The following MYLK4 variants were observed in gnomAD, a reference collection of about 807,000 sequenced individuals.
The protein encoded by MYLK4 is caMLCK like.
In MYLK4, 46 loss-of-function variants were observed where a neutral mutation model predicts 48.1. The observed-to-expected ratio is 0.96, with a 90% CI of 0.75 to 1.22. The LOEUF (loss-of-function observed/expected upper bound fraction) is 1.22. Among genes scored for constraint, MYLK4 ranks in the 50% most tolerant of loss-of-function variants. The pLI, the probability that MYLK4 is intolerant of heterozygous loss-of-function variation, is 0.00. For synonymous variants in MYLK4, 170 were observed against 180.8 expected, an observed-to-expected ratio of 0.94 and a Z score of 0.48; for missense variants, 451 against 486.1, an observed-to-expected ratio of 0.93 and a Z score of 0.68.
At position 2,683,020 on chromosome 6, in the gene MYLK4, C is replaced by G; in HGVS notation, c.687+1G>C. 1 of 1,614,186 alleles carries G rather than the reference C, an allele frequency of 6.2e-7. No individual in the cohort carries two copies. Among genetic ancestry groups the G allele is most frequent in the Non-Finnish European group, 8.5e-7 (1 of 1,180,036 alleles). On this transcript the variant is annotated splice_donor_variant, in intron 7 of 12. Transcript: ENST00000274643. LOFTEE classifies it high-confidence loss of function. ...TCTCACAGGATACAAAACACCCTTA[C>G]CTTCAGGTCCAAGTGGAGAATGTAC... is the stretch of plus-strand genomic sequence containing the variant.
At chr6:2,763,841 G>A in the MYLK4 span, among the ~76,000 whole-genome samples, 6 of 131,224 alleles carry the variant, frequency 4.6e-5, no homozygotes, top group Non-Finnish European at 8.6e-5. Context: ...ACTGCTGAGG[G>A]ACAAATGAAA....
the MYLK4 span, among the ~76,000 whole-genome samples, chr6:2,769,966 T>C: frequency 6.6e-6 from 1 of 152,166 alleles, no homozygotes; most frequent in South Asian, 2.1e-4. Context: ...CCCCCAAATA[T>C]TGCATCTATA....
intron 7 of MYLK4, among the ~76,000 whole-genome samples, chr6:2,682,652 A>G (rs1319549575): frequency 6.6e-6 from 1 of 152,196 alleles, no homozygotes; most frequent in Non-Finnish European, 1.5e-5. Context: ...AAGGTTGACT[A>G]CTACTTAGGG....
chr6:2,679,366 TG>T lies in MYLK4; in HGVS notation c.800del (p.Pro267GlnfsTer9), dbSNP rs1436791990. 6.2e-7 allele frequency: 1 copy of T among 1,614,078 alleles called. No individual in the cohort carries two copies. Among genetic ancestry groups the T allele is most frequent in the Non-Finnish European group, 8.5e-7 (1 of 1,180,030 alleles). ...TCACAACTTCAGGGGCGAGAAATTC[TG>T]GGGTTCCAAAGTTCACCTTCAGCTT... ...REKLKVNFGTPEFLAPEVVNY... is the reference protein window; with the variant it reads ...REKLKVNFGTXEFLAPEVVNY... On this transcript the variant is annotated frameshift_variant, in exon 9 of 13. Transcript: ENST00000274643. LOFTEE classifies it high-confidence loss of function.
At chr6:2,713,189 G>A (rs1211690321) in intron 2 of MYLK4, among the ~76,000 whole-genome samples, 2 of 151,948 alleles carry the variant, frequency 1.3e-5, no homozygotes, top group African/African-American at 4.8e-5. Context: ...TGACCAACAC[G>A]GAGAAACCCC....
chr6:2,763,758 G>C, the MYLK4 span, among the ~76,000 whole-genome samples: 1 of 152,256 alleles, frequency 6.6e-6, no homozygotes, highest in African/African-American at 2.4e-5. Context: ...CACGGCCGGA[G>C]TGGACGCCAA....
chr6:2,769,722 A>T, the MYLK4 span, among the ~76,000 whole-genome samples: 1 of 152,206 alleles, frequency 6.6e-6, no homozygotes, highest in African/African-American at 2.4e-5. Context: ...CTGTGGAAGA[A>T]GATTCTGGAA....
At chr6:2,754,226 G>A (rs972829514), upstream of MYLK4, among the ~76,000 whole-genome samples, 4 of 152,176 alleles carry the variant, frequency 2.6e-5, no homozygotes, top group African/African-American at 4.8e-5. Flanking sequence ...GCACATGAAT[G>A]TTCACAGCAG....
intron 2 of MYLK4, among the ~76,000 whole-genome samples, chr6:2,710,370 T>C (rs190710859): frequency 2.0e-5 from 3 of 152,256 alleles, no homozygotes; most frequent in Admixed American, 6.5e-5. Flanking sequence ...CCCCAAGTCT[T>C]AAAACTTAAA....
chr6:2,769,173 A>G, the MYLK4 span, among the ~76,000 whole-genome samples: 4 of 152,234 alleles, frequency 2.6e-5, no homozygotes, highest in East Asian at 7.7e-4. Context: ...TAATCTAAAT[A>G]CTAGGAGTCA....
the MYLK4 span, among the ~76,000 whole-genome samples, chr6:2,756,580 A>G: frequency 6.6e-6 from 1 of 152,216 alleles, no homozygotes; most frequent in African/African-American, 2.4e-5. Flanking sequence ...TCTTTCTAAA[A>G]AATCATGAGT....
chr6:2,680,510 C>T lies in MYLK4; in HGVS notation c.688-219G>A, dbSNP rs141337734. The T allele has an allele frequency of 4.7e-5, 46 of 985,428 alleles. No individual in the cohort carries two copies. In the East Asian group the frequency reaches 3.4e-3, roughly 73 times the overall value. 61.0% of individuals were successfully genotyped at this position (985,428 alleles called of 1,614,324 possible). On this transcript the variant is annotated intron_variant, in intron 7 of 12. Transcript: ENST00000274643. ...TGCATTATCCAGCCTGTCCTCTGCA[C>T]GGCTTCACAGTTCACCATAATGCCT...
At chr6:2,699,128 T>C (rs1582063910) in intron 2 of MYLK4, among the ~76,000 whole-genome samples, 4 of 152,178 alleles carry the variant, frequency 2.6e-5, no homozygotes, top group South Asian at 2.1e-4. Flanking sequence ...TCCAAGTACA[T>C]AGACCAAGAA....
chr6:2,729,343 T>C (rs1424368655), intron 2 of MYLK4, among the ~76,000 whole-genome samples: 2 of 152,086 alleles, frequency 1.3e-5, no homozygotes, highest in Non-Finnish European at 2.9e-5. Context: ...AGCAAGCACA[T>C]GGGGTAAAAC....
chr6:2,730,685 A>G (rs970995), intron 2 of MYLK4, among the ~76,000 whole-genome samples: 9,016 of 151,938 alleles, frequency 0.059, 909 homozygotes, highest in African/African-American at 0.21. Flanking sequence ...GCCCCCTCAT[A>G]CCCTGTTTTT....
rs1394712079 is a variant in MYLK4 at position 2,685,838 on chromosome 6, A to G, written c.342-262T>C. Among the ~76,000 whole-genome samples, 1 of 152,132 alleles carries G rather than the reference A, an allele frequency of 6.6e-6. No homozygotes were observed. The highest frequency in any genetic ancestry group is 1.5e-5 in the Non-Finnish European group (1 of 68,024). On this transcript the variant is annotated intron_variant, in intron 4 of 12. Transcript: ENST00000274643. This position sits in a 1 kb window ranked among gnomAD's most constrained non-coding sequence, Gnocchi z 4.5. ...GTAATCCCAGCACTTTGGGAGGCCG[A>G]GGCGGGAGGATCACGAGGTCAGGAC... is the stretch of plus-strand genomic sequence containing the variant.
chr6:2,762,510 T>C, the MYLK4 span, among the ~76,000 whole-genome samples: 21 of 152,258 alleles, frequency 1.4e-4, no homozygotes, highest in African/African-American at 5.1e-4. Context: ...CCACGTTATC[T>C]CTATAAATGT....
chr6:2,679,028 G>A (rs1484468959), intron 9 of MYLK4, among the ~76,000 whole-genome samples: 6 of 152,028 alleles, frequency 3.9e-5, no homozygotes, highest in African/African-American at 1.4e-4. Context: ...TTAATTTTTG[G>A]CTTTTAGGTT....
chr6:2,737,624 G>T (rs1763725718), intron 2 of MYLK4, among the ~76,000 whole-genome samples: 1 of 152,124 alleles, frequency 6.6e-6, no homozygotes, highest in African/African-American at 2.4e-5. Context: ...AATATGACAG[G>T]GAGGGAGGGG....
Sources: allele counts gnomAD v4.1 joint callset (sites outside exome capture counted in the v4.1 genomes callset), GRCh38; gene constraint gnomAD v4.1.1; non-coding constraint Gnocchi (gnomAD v3.1); transcripts MANE v1.5; gene names NCBI Gene and HGNC (gene_info 2026-07-23, HGNC 2026-07-21).